The following CLDN14 variants were observed in gnomAD, a reference collection of about 807,000 sequenced individuals.
CLDN14 encodes claudin 14, also known as claudin-14.
In CLDN14, 2 loss-of-function variants were observed where a neutral mutation model predicts 2.1. That is an observed-to-expected ratio of 0.96 (90% CI 0.39 to 3.01). CLDN14 has a LOEUF of 3.01. Among genes scored for constraint, CLDN14 ranks in the 30% most tolerant of loss-of-function variants. The pLI is 0.09. For missense variants in CLDN14, 298 were observed against 328.0 expected (o/e 0.91, Z 0.71); for synonymous variants, 136 against 154.4 (o/e 0.88, Z 0.88).
At chr21:36,524,048 G>A (rs2087301948) in intron 1 of CLDN14, among the ~76,000 whole-genome samples, 1 of 151,900 alleles carries the variant, frequency 6.6e-6, no homozygotes, top group Non-Finnish European at 1.5e-5. Context: ...CAAGCACAAG[G>A]AAACTTGTTT....
chr21:36,538,825 C>T (rs1436904210), intron 1 of CLDN14, among the ~76,000 whole-genome samples: 1 of 152,144 alleles, frequency 6.6e-6, no homozygotes, highest in Non-Finnish European at 1.5e-5. Context: ...CCAAGTCTTC[C>T]TAACTCTTCA....
At chr21:36,558,968 G>C (rs430747) in intron 1 of CLDN14, among the ~76,000 whole-genome samples, 89,010 of 151,888 alleles carry the variant, frequency 0.59, 27,160 homozygotes, top group Middle Eastern at 0.7. Flanking sequence ...AAATTTAAAT[G>C]ACTTTAAAAA....
intron 1 of CLDN14, among the ~76,000 whole-genome samples, chr21:36,568,462 G>T (rs939674497): frequency 3.3e-5 from 5 of 152,204 alleles, no homozygotes; most frequent in African/African-American, 1.2e-4. Flanking sequence ...TTGCTCTGGA[G>T]CCCTCTGTCT....
intron 1 of CLDN14, among the ~76,000 whole-genome samples, chr21:36,462,754 AC>A (rs754044509): frequency 1.3e-5 from 2 of 151,992 alleles, no homozygotes; most frequent in South Asian, 4.2e-4. Context: ...ACATGGTGAA[AC>A]CCCGTCTCTA....
intron 1 of CLDN14, among the ~76,000 whole-genome samples, chr21:36,518,757 C>T (rs2087247648): frequency 6.6e-6 from 1 of 152,146 alleles, no homozygotes; most frequent in East Asian, 1.9e-4. Flanking sequence ...AAGATATAGT[C>T]TCTGTCCCAA....
intron 1 of CLDN14, among the ~76,000 whole-genome samples, chr21:36,550,766 GC>G (rs1415405915): frequency 4.6e-5 from 7 of 152,280 alleles, no homozygotes; most frequent in African/African-American, 1.7e-4. Context: ...ACTGTCTAAT[GC>G]CGGCAACAGT....
At chr21:36,514,740 C>T (rs2087214020) in intron 1 of CLDN14, among the ~76,000 whole-genome samples, 1 of 151,328 alleles carries the variant, frequency 6.6e-6, no homozygotes, top group Non-Finnish European at 1.5e-5. Context: ...AATGAGTCCT[C>T]ATTTAACCTG....
At chr21:36,572,338 T>C (rs2087715631) in intron 1 of CLDN14, among the ~76,000 whole-genome samples, 1 of 152,152 alleles carries the variant, frequency 6.6e-6, no homozygotes, top group Non-Finnish European at 1.5e-5. Flanking sequence ...TGCAGCCTTC[T>C]GTCATGAGAG....
At chr21:36,509,735 A>G (rs1028600474) in intron 2 of CLDN14, among the ~76,000 whole-genome samples, 5 of 152,132 alleles carry the variant, frequency 3.3e-5, no homozygotes, top group African/African-American at 1.2e-4. Flanking sequence ...AGCTGGGACT[A>G]CAGGCACACG....
At chr21:36,548,340 C>G (rs2087539123) in intron 1 of CLDN14, among the ~76,000 whole-genome samples, 2 of 152,208 alleles carry the variant, frequency 1.3e-5, no homozygotes, top group Non-Finnish European at 2.9e-5. Flanking sequence ...GAAGCAGCAT[C>G]TAAGTCCAGT....
intron 1 of CLDN14, among the ~76,000 whole-genome samples, chr21:36,531,269 T>C (rs765521674): frequency 4.6e-5 from 7 of 151,322 alleles, no homozygotes; most frequent in Non-Finnish European, 1.0e-4. Flanking sequence ...GGGAAATAAA[T>C]ATATATATAT....
intron 1 of CLDN14, among the ~76,000 whole-genome samples, chr21:36,570,853 A>C (rs1451850827): frequency 6.6e-6 from 1 of 152,030 alleles, no homozygotes; most frequent in African/African-American, 2.4e-5. Flanking sequence ...CCTTTTTAAA[A>C]TTTTTTGAGA....
Position 36,476,598 on chromosome 21 carries a change from G to A in CLDN14, c.-82+2897C>T, listed in dbSNP as rs542804979. Among the ~76,000 whole-genome samples the A allele has an allele frequency of 1.2e-4, 18 of 152,264 alleles. No homozygotes were observed. In the East Asian group the frequency reaches 2.5e-3, roughly 21 times the overall value. The stretch of plus-strand genomic sequence containing the variant: ...CTCCTGAGTAGCTGGGATTACAGGC[G>A]CCTGCTACCATGTCTGGCTAATTTT... On this transcript the variant is annotated intron_variant, in intron 1 of 1. Transcript: ENST00000399135.
upstream of CLDN14, among the ~76,000 whole-genome samples, chr21:36,482,413 G>GATGA (rs1466274214): frequency 2.2e-5 from 1 of 44,780 alleles, no homozygotes; most frequent in African/African-American, 4.5e-5. Context: ...TGGATAGACG[G>GATGA]ATGGATGGAT....
intron 2 of CLDN14, among the ~76,000 whole-genome samples, chr21:36,505,717 A>G (rs1297149657): frequency 6.6e-6 from 1 of 152,236 alleles, no homozygotes; most frequent in Non-Finnish European, 1.5e-5. Flanking sequence ...TGAAAAGAAA[A>G]TGCAAAACCA....
chr21:36,538,121 C>T (rs2087444964), intron 1 of CLDN14, among the ~76,000 whole-genome samples: 3 of 151,982 alleles, frequency 2.0e-5, no homozygotes, highest in Admixed American at 2.0e-4. Context: ...ATCTTTGCTG[C>T]CTGTTTGAAA....
intron 1 of CLDN14, among the ~76,000 whole-genome samples, chr21:36,555,113 G>A (rs1432426283): frequency 2.0e-5 from 3 of 152,214 alleles, no homozygotes; most frequent in African/African-American, 4.8e-5. Flanking sequence ...ACGAGTGAAT[G>A]GATACCTATA....
chr21:36,465,427 A>G (rs545016678), intron 1 of CLDN14, among the ~76,000 whole-genome samples: 1 of 152,310 alleles, frequency 6.6e-6, no homozygotes, highest in East Asian at 1.9e-4. Flanking sequence ...TTGCTAATTT[A>G]AGAAGTGAGT....
At chr21:36,545,693 T>A (rs1463024104) in intron 1 of CLDN14, among the ~76,000 whole-genome samples, 1 of 152,248 alleles carries the variant, frequency 6.6e-6, no homozygotes, top group Non-Finnish European at 1.5e-5. Context: ...CATTTATATC[T>A]CAATGAGAAA....
Sources: allele counts gnomAD v4.1 joint callset (sites outside exome capture counted in the v4.1 genomes callset), GRCh38; gene constraint gnomAD v4.1.1; transcripts MANE v1.5; gene names NCBI Gene and HGNC (gene_info 2026-07-23, HGNC 2026-07-21).